The following TBX5 variants were observed in gnomAD, a reference collection of about 807,000 sequenced individuals.
TBX5 encodes T-box transcription factor TBX5.
Under a neutral mutation model 51.1 loss-of-function variants are expected in TBX5, and 8 were observed. That is an observed-to-expected ratio of 0.16 (90% confidence interval 0.09 to 0.28). TBX5 has a LOEUF of 0.28. Ranked by LOEUF, TBX5 falls within the 10% of genes least tolerant of loss-of-function variation. TBX5 has a pLI of 1.00. For synonymous variants in TBX5, 302 were observed against 266.4 expected (o/e 1.13, Z -1.30); for missense variants, 589 against 671.7 (o/e 0.88, Z 1.36).
chr12:114,370,496 T>C (rs1352758972), intron 7 of TBX5, among the ~76,000 whole-genome samples: 4 of 151,870 alleles, frequency 2.6e-5, no homozygotes, highest in Non-Finnish European at 5.9e-5. Flanking sequence ...CACACAGAAA[T>C]GTATTTTCTC....
intron 7 of TBX5, 90 bp from the exon 8 acceptor site, chr12:114,366,481 A>C (rs1208613227): frequency 1.5e-6 from 2 of 1,305,694 alleles, no homozygotes; most frequent in Non-Finnish European, 1.1e-6. Flanking sequence ...AATCCACCAG[A>C]AAAGTCACAG....
At chr12:114,401,347 C>T (rs1871799981) in intron 3 of TBX5, among the ~76,000 whole-genome samples, 1 of 152,222 alleles carries the variant, frequency 6.6e-6, no homozygotes, top group African/African-American at 2.4e-5. Flanking sequence ...GTTTGACAAT[C>T]GGGTGGGACC....
chr12:114,398,651 G>T lies in TBX5; in HGVS notation c.432C>A (p.Thr144=), dbSNP rs146038442. 104 of 1,613,204 alleles carry T rather than the reference G, an allele frequency of 6.4e-5. No individual in the cohort carries two copies. The highest frequency in any genetic ancestry group is 8.3e-5 in the Non-Finnish European group (98 of 1,179,774). The change falls in exon 5 of 9, where the codon ACC becomes ACA. Residue 144 remains threonine (T), a synonymous_variant. Transcript: ENST00000405440. ...RLYVHPDSPA[T]GAHWMRQLVS... ...CGAGCTGCCTCATCCAATGCGCCCC[G>T]GTGGCGGGGGAGTCTGGGTGCACGT...
At chr12:114,370,158 G>A (rs1423003382) in intron 7 of TBX5, among the ~76,000 whole-genome samples, 2 of 151,708 alleles carry the variant, frequency 1.3e-5, no homozygotes, top group East Asian at 3.9e-4. Context: ...TTGAACCTGG[G>A]AGGTGGAGGT....
chr12:114,360,840 C>T lies in TBX5; in HGVS notation c.983-4734G>A, dbSNP rs145178277. ...TTGTTGTTATTTGTTTTTGGTGTCC[C>T]CATGCTCTTAGCATAAAGTAGGAAG... On this transcript the variant is annotated intron_variant, in intron 8 of 8. Transcript: ENST00000405440. Among the ~76,000 whole-genome samples the T allele has an allele frequency of 5.7e-3, 872 of 152,104 alleles. 9 individuals carry two copies. Among genetic ancestry groups the T allele is most frequent in the African/African-American group, 0.02 (829 of 41,488 alleles).
At position 114,392,347 on chromosome 12, in the gene TBX5, C is replaced by T. The variant is rs547110972; in HGVS notation, c.663+2394G>A. ...CTGCAGTGACAGTTTCACAGGTATA[C>T]ATATATATACACATGAAGCTTATCT... is the stretch of plus-strand genomic sequence containing the variant. On this transcript the variant is annotated intron_variant, in intron 6 of 8. Coordinates refer to ENST00000405440, the MANE Select transcript of TBX5 (RefSeq NM_181486.4). 7.2e-5 allele frequency among the ~76,000 whole-genome samples: 11 copies of T among 152,178 alleles called. No homozygotes were observed. The South Asian group carries it at 1.9e-3, about 26-fold the overall frequency.
rs1001662354 is a variant in TBX5 at position 114,399,718 on chromosome 12, G to T, written c.243-86C>A. 1.9e-6 allele frequency: 3 copies of T among 1,599,400 alleles called. No homozygotes were observed. The African/African-American group carries it at 4.0e-5, about 21-fold the overall frequency. On this transcript the variant is annotated intron_variant, in intron 3 of 8. Coordinates refer to ENST00000405440, the MANE Select transcript of TBX5 (RefSeq NM_181486.4). ...GCCTCCATCCATTTTAAGGGAAAAA[G>T]CAATTCCTGGAGAAACGTGGAAGCG... is the stretch of plus-strand genomic sequence containing the variant.
Position 114,356,220 on chromosome 12 carries a change from C to T in TBX5, c.983-114G>A, listed in dbSNP as rs966823240. The T allele has an allele frequency of 2.9e-6, 3 of 1,020,344 alleles. No individual in the cohort carries two copies. The African/African-American group carries it at 4.7e-5, about 16-fold the overall frequency. 63.2% of individuals were successfully genotyped at this position (1,020,344 alleles called of 1,614,324 possible). A position where few individuals can be genotyped will look rare whatever the true frequency, so the allele number is the denominator to read the frequency against. On this transcript the variant is annotated intron_variant, in intron 8 of 8. Transcript: ENST00000405440. ...AATAAGTCCTGAGAGACTGTTAGCC[C>T]TAACCGCCATTCTGAATACAAAAAA...
At chr12:114,364,556 A>G (rs1946295) in intron 8 of TBX5, among the ~76,000 whole-genome samples, 105,972 of 151,980 alleles carry the variant, frequency 0.7, 37,395 homozygotes, top group East Asian at 0.77. Flanking sequence ...GATTGATTCT[A>G]CAGACCACAG....
rs1157779843 is a variant in TBX5, at chr12:114,355,048, TC to T, written c.*483del. 2 of 171,022 alleles carry T rather than the reference TC, an allele frequency of 1.2e-5. No homozygotes were observed. Among genetic ancestry groups the T allele is most frequent in the African/African-American group, 2.4e-5 (1 of 41,282 alleles). The allele number at this position is 171,022 out of a possible 1,614,324, so 10.6% of individuals were successfully genotyped here. ...TTTTGAAATATACTTGCCTCAGACC[TC>T]CCCCCAAATAAGGGACTGGGTCCCA... On this transcript the variant is annotated 3_prime_UTR_variant, in exon 9 of 9. Transcript: ENST00000405440.
chr12:114,379,564 A>G (rs1870393326), intron 7 of TBX5, among the ~76,000 whole-genome samples: 1 of 152,196 alleles, frequency 6.6e-6, no homozygotes, highest in African/African-American at 2.4e-5. Flanking sequence ...TTATGCAGCA[A>G]TAATAATCAG....
chr12:114,386,253 C>T (rs1477785487), intron 6 of TBX5, among the ~76,000 whole-genome samples: 1 of 152,198 alleles, frequency 6.6e-6, no homozygotes, highest in Non-Finnish European at 1.5e-5. Flanking sequence ...GGCATAGTTA[C>T]AGAACAGGGT....
At chr12:114,384,745 A>ACACACACACACAAAAC (rs10629159) in intron 7 of TBX5, among the ~76,000 whole-genome samples, 1 of 115,170 alleles carries the variant, frequency 8.7e-6, no homozygotes, top group Non-Finnish European at 1.9e-5. Context: ...ACACACACAC[A>ACACACACACACAAAAC]ACACACACAC....
At chr12:114,365,066 A>G (rs1593845651) in intron 8 of TBX5, among the ~76,000 whole-genome samples, 1 of 18,028 alleles carries the variant, frequency 5.5e-5, no homozygotes, top group Non-Finnish European at 2.2e-4. Context: ...GATGACTTAG[A>G]AAAAAAAAAA....
chr12:114,369,403 G>A (rs1487735723), intron 7 of TBX5, among the ~76,000 whole-genome samples: 2 of 152,156 alleles, frequency 1.3e-5, no homozygotes. Context: ...TCCCTCTAAA[G>A]AGCCTGAAAC....
rs1297744591 is a variant in TBX5 at position 114,356,024 on chromosome 12, G to C, written c.1065C>G (p.Arg355=). 6.2e-7 allele frequency: 1 copy of C among 1,614,166 alleles called. No individual in the cohort carries two copies. Among genetic ancestry groups the C allele is most frequent in the South Asian group, 1.1e-5 (1 of 91,088 alleles). The stretch of plus-strand genomic sequence containing the variant: ...GGCCCTGCTGCTGTGGATAGCTAGA[G>C]CGGTAGAAGGAATCTTCTTCACTGG... ...TSPSEEDSFY[R]SSYPQQQGLG... The change falls in exon 9 of 9, where the codon CGC becomes CGG. Residue 355 remains arginine (R), a synonymous_variant. Transcript: ENST00000405440.
rs116880267 is a variant in TBX5, at chr12:114,360,194, G to A, written c.983-4088C>T. On this transcript the variant is annotated intron_variant, in intron 8 of 8. Transcript: ENST00000405440. ...TTTCTAGCTGAGTGACCTTCAGCAA[G>A]TTGGGAAGGTGGCTATAATTCAGGT... 5.1e-3 allele frequency among the ~76,000 whole-genome samples: 783 copies of A among 152,338 alleles called. 6 individuals carry two copies. Among genetic ancestry groups the A allele is most frequent in the Non-Finnish European group, 8.0e-3 (542 of 68,024 alleles).
Position 114,354,685 on chromosome 12 carries a change from C to G in TBX5, c.*847G>C, listed in dbSNP as rs980434260. 1 of 152,590 alleles carries G rather than the reference C, an allele frequency of 6.6e-6. No individual in the cohort carries two copies. Among genetic ancestry groups the G allele is most frequent in the African/African-American group, 2.4e-5 (1 of 41,414 alleles). The allele number at this position is 152,590 out of a possible 1,614,324, so 9.5% of individuals were successfully genotyped here. On this transcript the variant is annotated 3_prime_UTR_variant, in exon 9 of 9. Coordinates refer to ENST00000405440, the MANE Select transcript of TBX5 (RefSeq NM_181486.4). ...TATCACAGTCCTGCCTACATGTAAA[C>G]GGGGGCTTTTTAAGTTTTTCAAAGC... is the stretch of plus-strand genomic sequence containing the variant.
chr12:114,397,405 A>G (rs1476960683), intron 5 of TBX5, among the ~76,000 whole-genome samples: 3 of 152,238 alleles, frequency 2.0e-5, no homozygotes, highest in Non-Finnish European at 1.5e-5. Context: ...TGAGAATCAA[A>G]TGCCCAAGAC....
Sources: allele counts gnomAD v4.1 joint callset (sites outside exome capture counted in the v4.1 genomes callset), GRCh38; gene constraint gnomAD v4.1.1; transcripts MANE v1.5; gene names NCBI Gene and HGNC (gene_info 2026-07-23, HGNC 2026-07-21).